The following SLC29A1 variants were observed in gnomAD, a reference collection of about 807,000 sequenced individuals.
The protein encoded by SLC29A1 is solute carrier family 29 member 1 (Augustine blood group).
Under a neutral mutation model 48.3 loss-of-function variants are expected in SLC29A1, and 22 were observed. That is an observed-to-expected ratio of 0.46 (90% CI 0.33 to 0.65). The LOEUF is 0.65. SLC29A1 is among the 30% of genes least tolerant of loss of function. SLC29A1 has a pLI of 0.03. For missense variants in SLC29A1, 491 were observed against 575.3 expected (o/e 0.85, Z 1.50); for synonymous variants, 228 against 231.0 (o/e 0.99, Z 0.12).
In SLC29A1 at chr6:44,231,417, C is replaced by G. The variant is rs994960678; in HGVS notation, c.820C>G (p.Gln274Glu). The change falls in exon 9 of 13, where the codon CAG (glutamine) becomes GAG (glutamate). Residue 274 changes from glutamine to glutamate, a missense_variant. Coordinates refer to ENST00000371755, the MANE Select transcript of SLC29A1 (RefSeq NM_001372327.1). Reference sequence around the variant, plus strand: ...ATCTGGAGTTTCAGTCTCCAACTCTCAGCCCACCAATGAAAGCCACTCTAT... The same window carrying G: ...ATCTGGAGTTTCAGTCTCCAACTCTGAGCCCACCAATGAAAGCCACTCTAT... ...EESGVSVSNSQPTNESHSIKA... is the reference protein window; with the variant it reads ...EESGVSVSNSEPTNESHSIKA... The G allele has an allele frequency of 1.9e-6, 3 of 1,607,446 alleles. No homozygotes were observed. The African/African-American group carries it at 4.0e-5, about 21-fold the overall frequency.
At chr6:44,222,986 T>G (rs776927414), upstream of SLC29A1, among the ~76,000 whole-genome samples, 1 of 152,058 alleles carries the variant, frequency 6.6e-6, no homozygotes, top group Admixed American at 6.6e-5. Context: ...TGGGGTGGTG[T>G]TTGCGCGTCT....
At position 44,223,750 on chromosome 6, in the gene SLC29A1, G is replaced by T. The variant is rs1776794846; in HGVS notation, c.-52+109G>T. On this transcript the variant is annotated intron_variant, in intron 1 of 12. Coordinates refer to ENST00000371755, the MANE Select transcript of SLC29A1 (RefSeq NM_001372327.1). The surrounding 1 kb of genome is among the most constrained non-coding windows in gnomAD (Gnocchi z 5.0). ...GGCGGGCCTGACGGCTCCGCAGCCC[G>T]GAGAAGGGACGCCGGGTGGGGCCCC... 1 of 1,036,306 alleles carries T rather than the reference G, an allele frequency of 9.6e-7. No homozygotes were observed. Among genetic ancestry groups the T allele is most frequent in the Non-Finnish European group, 1.2e-6 (1 of 859,076 alleles). 64.2% of individuals were successfully genotyped at this position (1,036,306 alleles called of 1,614,324 possible). A position where few individuals can be genotyped will look rare whatever the true frequency, so the allele number is the denominator to read the frequency against.
rs1387678504 is a variant in SLC29A1, at chr6:44,230,004, C to T, written c.412C>T (p.Pro138Ser). 6.2e-7 allele frequency: 1 copy of T among 1,611,346 alleles called. No individual in the cohort carries two copies. The highest frequency in any genetic ancestry group is 1.7e-5 in the Admixed American group (1 of 60,012). The stretch of plus-strand genomic sequence containing the variant: ...GGTGAAGGTGCAGCTGGATGCTCTG[C>T]CCTTCTTTGTCATCACCATGATCAA... ...ILVKVQLDAL[P>S]FFVITMIKIV... Residue 138 changes from proline to serine, a missense_variant, in exon 5 of 13, where the codon CCC (proline) becomes TCC (serine). Pro to Ser is a moderately conservative substitution (Grantham distance 74, BLOSUM62 -1). Transcript: ENST00000371755.
At chr6:44,230,268 A>C in intron 5 of SLC29A1, 79 bp from the exon 6 acceptor site, 1 of 1,564,336 alleles carries the variant, frequency 6.4e-7, no homozygotes, top group South Asian at 1.2e-5. Context: ...GTAAAGTAGG[A>C]ATGACAGGGA....
chr6:44,226,224 C>CCTAG, intron 1 of SLC29A1: 2 of 571,324 alleles, frequency 3.5e-6, no homozygotes, highest in Non-Finnish European at 4.4e-6. Flanking sequence ...AACAGCAAGG[C>CCTAG]CTGGGCCCAG....
chr6:44,232,629 G>A lies in SLC29A1; in HGVS notation c.1060-178G>A. On this transcript the variant is annotated intron_variant, in intron 11 of 12. Coordinates refer to ENST00000371755, the MANE Select transcript of SLC29A1 (RefSeq NM_001372327.1). The surrounding 1 kb of genome is among the most constrained non-coding windows in gnomAD (Gnocchi z 4.7). ...TACACATACCTGCCCAGATCGAGATGTAGAATATTTCCAGCACTCCAGAAG... is the reference window on the plus strand; with the variant it reads ...TACACATACCTGCCCAGATCGAGATATAGAATATTTCCAGCACTCCAGAAG... 1 of 656,314 alleles carries A rather than the reference G, an allele frequency of 1.5e-6. No individual in the cohort carries two copies. The highest frequency in any genetic ancestry group is 2.6e-6 in the Non-Finnish European group (1 of 380,510). 40.7% of individuals were successfully genotyped at this position (656,314 alleles called of 1,614,324 possible).
In SLC29A1 at chr6:44,223,923, C is replaced by T; in HGVS notation, c.-52+282C>T. The stretch of plus-strand genomic sequence containing the variant: ...CGGTCACGTTGACCTCCGCAAGGGG[C>T]AGGCGAGTGGACGGGTGATCCCCAT... On this transcript the variant is annotated intron_variant, in intron 1 of 12. Coordinates refer to ENST00000371755, the MANE Select transcript of SLC29A1 (RefSeq NM_001372327.1). The surrounding 1 kb of genome is among the most constrained non-coding windows in gnomAD (Gnocchi z 5.0). The T allele has an allele frequency of 1.0e-6, 1 of 991,966 alleles. No homozygotes were observed. The highest frequency in any genetic ancestry group is 1.2e-6 in the Non-Finnish European group (1 of 834,362). 61.4% of individuals were successfully genotyped at this position (991,966 alleles called of 1,614,324 possible).
intron 2 of SLC29A1, among the ~76,000 whole-genome samples, chr6:44,227,567 G>A (rs1582942596): frequency 6.6e-6 from 1 of 152,234 alleles, no homozygotes; most frequent in African/African-American, 2.4e-5. Context: ...TCCCTGGCCT[G>A]TCTGTGTTTC....
rs1245995253 is a variant in SLC29A1 at position 44,229,961 on chromosome 6, T to A, written c.369T>A (p.Phe123Leu). 3.7e-6 allele frequency: 6 copies of A among 1,613,310 alleles called. No individual in the cohort carries two copies. Among genetic ancestry groups the A allele is most frequent in the Non-Finnish European group, 5.1e-6 (6 of 1,180,028 alleles). Reference sequence around the variant, plus strand: ...GCCTGGTGGCCATCCTGCTGGTGTTTCTGATCACTGCCATCCTGGTGAAGG... The same window carrying A: ...GCCTGGTGGCCATCCTGCTGGTGTTACTGATCACTGCCATCCTGGTGAAGG... ...LGSLVAILLV[F>L]LITAILVKVQ... is the part of the protein sequence containing the mutation. Residue 123 changes from phenylalanine to leucine, a missense_variant, in exon 5 of 13, where the codon TTT becomes TTA. Transcript: ENST00000371755. This position sits in a 1 kb window ranked among gnomAD's most constrained non-coding sequence, Gnocchi z 5.1.
At position 44,230,344 on chromosome 6, in the gene SLC29A1, C is replaced by T. The variant is rs1432085301; in HGVS notation, c.455-3C>T. On this transcript the variant is annotated splice_region_variant and splice_polypyrimidine_tract_variant and intron_variant, in intron 5 of 12. Coordinates refer to ENST00000371755, the MANE Select transcript of SLC29A1 (RefSeq NM_001372327.1). ...CCTGCTCATGCCCGCCCTGTTTCCC[C>T]AGCATTTGGTGCCATCCTGCAGGGC... 1 of 1,609,704 alleles carries T rather than the reference C, an allele frequency of 6.2e-7. No individual in the cohort carries two copies. The highest frequency in any genetic ancestry group is 1.3e-5 in the African/African-American group (1 of 74,838).
At chr6:44,226,598 A>G (rs1582938261) in intron 1 of SLC29A1, 1 of 273,484 alleles carries the variant, frequency 3.7e-6, no homozygotes, top group Non-Finnish European at 5.6e-6. Context: ...GGCTGGAAAG[A>G]AAGGTTAAGG....
intron 12 of SLC29A1, 116 bp from the exon 13 acceptor site, chr6:44,233,301 T>A (rs1283718599): frequency 1.1e-6 from 1 of 906,458 alleles, no homozygotes; most frequent in African/African-American, 1.6e-5. Flanking sequence ...GATGGGTTGA[T>A]CAACAGAATG....
chr6:44,230,515 G>A, intron 6 of SLC29A1, 34 bp downstream of exon 6: 1 of 1,614,004 alleles, frequency 6.2e-7, no homozygotes, highest in Non-Finnish European at 8.5e-7. Context: ...CAGTGCCCTG[G>A]TGTGGTGGGG....
At chr6:44,230,168 A>T (rs1778511437) in intron 5 of SLC29A1, 122 bp downstream of exon 5, 1 of 1,491,522 alleles carries the variant, frequency 6.7e-7, no homozygotes, top group African/African-American at 1.4e-5. Context: ...GGATGCTGTG[A>T]GCAGCTGGGA....
At position 44,223,910 on chromosome 6, in the gene SLC29A1, C is replaced by T; in HGVS notation, c.-52+269C>T. 1.0e-6 allele frequency: 1 copy of T among 994,758 alleles called. No homozygotes were observed. Among genetic ancestry groups the T allele is most frequent in the Non-Finnish European group, 1.2e-6 (1 of 836,234 alleles). The allele number at this position is 994,758 out of a possible 1,614,324, so 61.6% of individuals were successfully genotyped here. A position where few individuals can be genotyped will look rare whatever the true frequency, so the allele number is the denominator to read the frequency against. On this transcript the variant is annotated intron_variant, in intron 1 of 12. Transcript: ENST00000371755. This position sits in a 1 kb window ranked among gnomAD's most constrained non-coding sequence, Gnocchi z 5.0. Reference sequence around the variant, plus strand: ...CTAAAACAGGCTGCGGTCACGTTGACCTCCGCAAGGGGCAGGCGAGTGGAC... The same window carrying T: ...CTAAAACAGGCTGCGGTCACGTTGATCTCCGCAAGGGGCAGGCGAGTGGAC...
Position 44,223,662 on chromosome 6 carries a change from C to A in SLC29A1, c.-52+21C>A. 8.5e-7 allele frequency: 1 copy of A among 1,174,314 alleles called. No homozygotes were observed. The highest frequency in any genetic ancestry group is 1.1e-6 in the Non-Finnish European group (1 of 928,836). The allele number at this position is 1,174,314 out of a possible 1,614,324, so 72.7% of individuals were successfully genotyped here. A position where few individuals can be genotyped will look rare whatever the true frequency, so the allele number is the denominator to read the frequency against. On this transcript the variant is annotated intron_variant, in intron 1 of 12. Coordinates refer to ENST00000371755, the MANE Select transcript of SLC29A1 (RefSeq NM_001372327.1). The surrounding 1 kb of genome is among the most constrained non-coding windows in gnomAD (Gnocchi z 5.0). The stretch of plus-strand genomic sequence containing the variant: ...GGCAGGTGCTGCCCGGGGCCGGGGA[C>A]TGGGGACTGGGGACTGCCGGGGCGG...
Position 44,229,589 on chromosome 6 carries a change from T to C in SLC29A1, c.112T>C (p.Tyr38His), listed in dbSNP as rs1248190735. The change falls in exon 4 of 13, where the codon TAT becomes CAT. Residue 38 changes from tyrosine to histidine, a missense_variant and splice_region_variant. Coordinates refer to ENST00000371755, the MANE Select transcript of SLC29A1 (RefSeq NM_001372327.1). This position sits in a 1 kb window ranked among gnomAD's most constrained non-coding sequence, Gnocchi z 5.1. ...PWNFFMTATQYFTNRLDMSQN... is the reference protein window; with the variant it reads ...PWNFFMTATQHFTNRLDMSQN... ...ACACTCCTCTCTGCAACCCCTGCAG[T>C]ATTTCACAAACCGCCTGGACATGTC... 1 of 1,614,014 alleles carries C rather than the reference T, an allele frequency of 6.2e-7. No individual in the cohort carries two copies. Among genetic ancestry groups the C allele is most frequent in the Non-Finnish European group, 8.5e-7 (1 of 1,179,952 alleles).
intron 1 of SLC29A1, among the ~76,000 whole-genome samples, chr6:44,225,390 C>T (rs1319771704): frequency 2.0e-5 from 3 of 151,760 alleles, no homozygotes; most frequent in Admixed American, 6.6e-5. Context: ...CCTGTATTCC[C>T]AGCTTCTTGG....
chr6:44,229,899 C>T lies in SLC29A1; in HGVS notation c.315-8C>T, dbSNP rs1293774430. 2 of 1,612,780 alleles carry T rather than the reference C, an allele frequency of 1.2e-6. No individual in the cohort carries two copies. The highest frequency in any genetic ancestry group is 1.7e-6 in the Non-Finnish European group (2 of 1,180,018). ...CTTGTCTCTGCCACCCTTGGCCTCT[C>T]CCGGCAGGATCCCCCAGTCCGTACG... On this transcript the variant is annotated splice_polypyrimidine_tract_variant and splice_region_variant and intron_variant, in intron 4 of 12. Transcript: ENST00000371755. This position sits in a 1 kb window ranked among gnomAD's most constrained non-coding sequence, Gnocchi z 5.1.
Sources: allele counts gnomAD v4.1 joint callset (sites outside exome capture counted in the v4.1 genomes callset), GRCh38; gene constraint gnomAD v4.1.1; non-coding constraint Gnocchi (gnomAD v3.1); transcripts MANE v1.5; gene names NCBI Gene and HGNC (gene_info 2026-07-23, HGNC 2026-07-21).